The following ANKS1B variants were observed in gnomAD, a reference collection of about 807,000 sequenced individuals.
The protein encoded by ANKS1B is ankyrin repeat and sterile alpha motif domain-containing protein 1B.
A neutral mutation model predicts 148.3 loss-of-function variants in ANKS1B; 36 were observed. That is an observed-to-expected ratio of 0.24 (90% CI 0.19 to 0.32). The LOEUF is 0.32. Ranked by LOEUF, ANKS1B falls within the 10% of genes least tolerant of loss-of-function variation. The pLI, the probability that ANKS1B is intolerant of heterozygous loss-of-function variation, is 1.00. For missense variants in ANKS1B, 1,157 were observed against 1,542.6 expected (o/e 0.75, Z 4.19); for synonymous variants, 542 against 560.8 (o/e 0.97, Z 0.47).
At chr12:99,711,449 C>T (rs566399912) in intron 8 of ANKS1B, among the ~76,000 whole-genome samples, 2 of 152,146 alleles carry the variant, frequency 1.3e-5, no homozygotes, top group African/African-American at 2.4e-5. Context: ...CAGCCTCCAC[C>T]CTCTGATAGG....
intron 17 of ANKS1B, among the ~76,000 whole-genome samples, chr12:98,838,547 G>A (rs11109621): frequency 0.072 from 11,033 of 152,208 alleles, 550 homozygotes; most frequent in Non-Finnish European, 0.11. Context: ...CACATGCAGC[G>A]ATGCTGGGCA....
chr12:98,876,134 A>G (rs2099688900), intron 17 of ANKS1B, among the ~76,000 whole-genome samples: 1 of 152,162 alleles, frequency 6.6e-6, no homozygotes, highest in South Asian at 2.1e-4. Flanking sequence ...AGTCCCTTCA[A>G]TGGCTTCCCA....
intron 17 of ANKS1B, among the ~76,000 whole-genome samples, chr12:98,918,260 A>G (rs1036767589): frequency 6.6e-6 from 1 of 152,236 alleles, no homozygotes; most frequent in Non-Finnish European, 1.5e-5. Flanking sequence ...AAGCAGAAAG[A>G]GAATCAGGCA....
intron 8 of ANKS1B, among the ~76,000 whole-genome samples, chr12:99,759,780 T>C (rs2061910737): frequency 3.3e-5 from 5 of 151,974 alleles, no homozygotes; most frequent in Admixed American, 2.6e-4. Flanking sequence ...GTTAACTTCA[T>C]CATTATCCAG....
intron 11 of ANKS1B, among the ~76,000 whole-genome samples, chr12:99,433,204 C>T (rs1484422606): frequency 6.6e-6 from 1 of 151,968 alleles, no homozygotes; most frequent in East Asian, 1.9e-4. Flanking sequence ...TCCCTTGATG[C>T]CCTTAAAAAT....
intron 17 of ANKS1B, among the ~76,000 whole-genome samples, chr12:99,025,490 G>T (rs1290184880): frequency 6.6e-6 from 1 of 152,176 alleles, no homozygotes; most frequent in Non-Finnish European, 1.5e-5. Context: ...TTGTACAATT[G>T]GGGAACTGGT....
intron 17 of ANKS1B, among the ~76,000 whole-genome samples, chr12:98,854,886 G>A (rs185727731): frequency 8.5e-4 from 129 of 152,274 alleles, no homozygotes; most frequent in Admixed American, 1.0e-3. Context: ...TTGGCCGGGC[G>A]CGGTGGCTCA....
intron 8 of ANKS1B, among the ~76,000 whole-genome samples, chr12:99,685,952 T>C (rs1257418476): frequency 6.6e-6 from 1 of 151,994 alleles, no homozygotes; most frequent in African/African-American, 2.4e-5. Context: ...GGCATAAGAA[T>C]GATACAATGG....
At chr12:99,715,286 G>C (rs2057163584) in intron 8 of ANKS1B, among the ~76,000 whole-genome samples, 2 of 151,980 alleles carry the variant, frequency 1.3e-5, no homozygotes, top group African/African-American at 2.4e-5. Context: ...CACCATAAAA[G>C]AAGTGAAAAT....
At chr12:98,896,805 G>A (rs1427466382) in intron 17 of ANKS1B, among the ~76,000 whole-genome samples, 1 of 152,196 alleles carries the variant, frequency 6.6e-6, no homozygotes, top group Admixed American at 6.5e-5. Flanking sequence ...TTAGTTCTGT[G>A]TCTTACTCTG....
intron 23 of ANKS1B, chr12:98,781,434 G>C: frequency 1.6e-6 from 1 of 612,762 alleles, no homozygotes. Flanking sequence ...TATCCGTCTT[G>C]CCCTTGAGGA....
chr12:99,688,896 G>A (rs1017726259), intron 8 of ANKS1B, among the ~76,000 whole-genome samples: 1 of 150,850 alleles, frequency 6.6e-6, no homozygotes, highest in African/African-American at 2.4e-5. Flanking sequence ...AAAAAAAAGA[G>A]AGAAAATGCA....
chr12:98,901,341 A>C (rs2099771694), intron 17 of ANKS1B, among the ~76,000 whole-genome samples: 1 of 152,242 alleles, frequency 6.6e-6, no homozygotes, highest in Non-Finnish European at 1.5e-5. Flanking sequence ...AATGAGGCTC[A>C]CATGTAGAAT....
At chr12:99,962,178 C>A (rs533751881) in intron 1 of ANKS1B, among the ~76,000 whole-genome samples, 1 of 152,016 alleles carries the variant, frequency 6.6e-6, no homozygotes, top group Admixed American at 6.6e-5. Flanking sequence ...CCTATTGACC[C>A]GTCCTCTAAG....
chr12:98,869,921 T>C (rs1245132977), intron 17 of ANKS1B, among the ~76,000 whole-genome samples: 1 of 152,156 alleles, frequency 6.6e-6, no homozygotes, highest in Non-Finnish European at 1.5e-5. Flanking sequence ...GAAGAGTACA[T>C]GATGGAATAT....
At chr12:99,145,128 G>GT (rs1269820991) in intron 15 of ANKS1B, among the ~76,000 whole-genome samples, 1 of 152,074 alleles carries the variant, frequency 6.6e-6, no homozygotes, top group African/African-American at 2.4e-5. Flanking sequence ...TCCAAGAGAA[G>GT]TATGTACAAG....
chr12:98,865,403 C>T (rs904434723), intron 17 of ANKS1B, among the ~76,000 whole-genome samples: 1 of 152,142 alleles, frequency 6.6e-6, no homozygotes, highest in African/African-American at 2.4e-5. Context: ...ATTCCATCAC[C>T]CATCCAGTTA....
intron 8 of ANKS1B, among the ~76,000 whole-genome samples, chr12:99,685,836 C>G (rs1192957856): frequency 6.6e-6 from 1 of 151,942 alleles, no homozygotes; most frequent in Non-Finnish European, 1.5e-5. Flanking sequence ...TCACAGCAAC[C>G]TGGATGGAGT....
At chr12:99,360,658 A>C (rs532092306) in intron 12 of ANKS1B, among the ~76,000 whole-genome samples, 33 of 152,264 alleles carry the variant, frequency 2.2e-4, no homozygotes, top group South Asian at 1.9e-3. Flanking sequence ...TAAGCACAGC[A>C]TGTACAAAAT....
Sources: allele counts gnomAD v4.1 joint callset (sites outside exome capture counted in the v4.1 genomes callset), GRCh38; gene constraint gnomAD v4.1.1; transcripts MANE v1.5; gene names NCBI Gene and HGNC (gene_info 2026-07-23, HGNC 2026-07-21).